The following TLCD3B variants were observed in gnomAD, a reference collection of about 807,000 sequenced individuals.
TLCD3B encodes ceramide synthase.
Under a neutral mutation model 23.0 loss-of-function variants are expected in TLCD3B, and 9 were observed. That is an observed-to-expected ratio of 0.39 (90% CI 0.24 to 0.68). The LOEUF (loss-of-function observed/expected upper bound fraction) is 0.68. Ranked by LOEUF, TLCD3B falls within the 30% of genes least tolerant of loss-of-function variation. TLCD3B has a pLI of 0.44. For synonymous variants in TLCD3B, 161 were observed against 161.0 expected (o/e 1.00, Z 0.00); for missense variants, 307 against 371.8 (o/e 0.83, Z 1.43).
chr16:30,026,946 A>G (rs2071170075), intron 2 of TLCD3B, 103 bp from the exon 3 acceptor site: 1 of 976,080 alleles, frequency 1.0e-6, no homozygotes, highest in African/African-American at 1.6e-5. Context: ...ACAGGAGCGG[A>G]GTCTTGGGTA....
At chr16:30,050,363 A>T (rs1054645084) in intron 1 of TLCD3B, among the ~76,000 whole-genome samples, 14 of 151,906 alleles carry the variant, frequency 9.2e-5, no homozygotes, top group African/African-American at 2.9e-4. Context: ...ATACAGTGAG[A>T]CCCCGTCTAT....
chr16:30,030,660 G>T lies in TLCD3B; in HGVS notation c.-133C>A. Reference sequence around the variant, plus strand: ...GAAAACGATGAGAAGGGGCACAAAGGGGCCAGGGCGGGGACGGGATGGGGC... The same window carrying T: ...GAAAACGATGAGAAGGGGCACAAAGTGGCCAGGGCGGGGACGGGATGGGGC... On this transcript the variant is annotated 5_prime_UTR_variant, in exon 1 of 5. Coordinates refer to ENST00000380495, the MANE Select transcript of TLCD3B (RefSeq NM_031478.6). 2 of 1,346,062 alleles carry T rather than the reference G, an allele frequency of 1.5e-6. No homozygotes were observed. Among genetic ancestry groups the T allele is most frequent in the African/African-American group, 1.5e-5 (1 of 65,022 alleles). 83.4% of individuals were successfully genotyped at this position (1,346,062 alleles called of 1,614,324 possible).
At chr16:30,026,900 G>A (rs2071167946) in intron 2 of TLCD3B, 57 bp from the exon 3 acceptor site, 4 of 1,468,816 alleles carry the variant, frequency 2.7e-6, no homozygotes, top group Middle Eastern at 3.5e-4. Flanking sequence ...ACCAGTGATT[G>A]GGGTCAGATC....
At chr16:30,039,101 CTCTTTTTTT>C (rs1342501588) in intron 3 of TLCD3B, among the ~76,000 whole-genome samples, 5 of 120,856 alleles carry the variant, frequency 4.1e-5, no homozygotes, top group East Asian at 2.6e-4. Context: ...CCTCCTTCCT[CTCTTTTTTT>C]TTTTTTTTTT....
chr16:30,042,435 G>C (rs1033292728), intron 2 of TLCD3B, among the ~76,000 whole-genome samples: 2 of 151,994 alleles, frequency 1.3e-5, no homozygotes, highest in Admixed American at 6.6e-5. Context: ...TGTTGGCCAG[G>C]CTGGTCTCAA....
rs557814294 is a variant in TLCD3B at position 30,030,125 on chromosome 16, C to T, written c.125+278G>A. Reference sequence around the variant, plus strand: ...TAATGTCTTATAGGAATGTCTTCGCCGCATGCTGGCCCTGTTTTGGAGGGT... The same window carrying T: ...TAATGTCTTATAGGAATGTCTTCGCTGCATGCTGGCCCTGTTTTGGAGGGT... On this transcript the variant is annotated intron_variant, in intron 1 of 4. Coordinates refer to ENST00000380495, the MANE Select transcript of TLCD3B (RefSeq NM_031478.6). 51 of 1,457,066 alleles carry T rather than the reference C, an allele frequency of 3.5e-5. 1 individual carries two copies. In the South Asian group the frequency reaches 4.7e-4, roughly 14 times the overall value. 90.3% of individuals were successfully genotyped at this position (1,457,066 alleles called of 1,614,324 possible). A position where few individuals can be genotyped will look rare whatever the true frequency, so the allele number is the denominator to read the frequency against.
upstream of TLCD3B, chr16:30,033,389 G>C (rs1327491931): frequency 1.3e-5 from 2 of 152,244 alleles, no homozygotes; most frequent in Non-Finnish European, 2.9e-5. Context: ...TACAAGGCTG[G>C]TCATGGAACT....
At chr16:30,042,054 C>T (rs2071586509) in intron 2 of TLCD3B, among the ~76,000 whole-genome samples, 1 of 151,930 alleles carries the variant, frequency 6.6e-6, no homozygotes, top group Non-Finnish European at 1.5e-5. Flanking sequence ...TTTTTCTAAT[C>T]GCTGCCTATC....
At chr16:30,044,146 G>A (rs1369887000) in intron 2 of TLCD3B, among the ~76,000 whole-genome samples, 4 of 150,848 alleles carry the variant, frequency 2.7e-5, no homozygotes, top group African/African-American at 4.9e-5. Context: ...ACAAGTGTGT[G>A]CCATCACACT....
chr16:30,036,344 A>C, intron 3 of TLCD3B: 1 of 1,288,840 alleles, frequency 7.8e-7, no homozygotes, highest in Non-Finnish European at 1.0e-6. Flanking sequence ...TAACAGGTGC[A>C]AGCCTGAAAC....
intron 2 of TLCD3B, 84 bp from the exon 3 acceptor site, chr16:30,026,927 C>T: frequency 1.7e-6 from 2 of 1,147,656 alleles, no homozygotes; most frequent in South Asian, 2.7e-5. Flanking sequence ...GTCAGCACAG[C>T]AGCCCTGGAC....
At chr16:30,028,384 G>A (rs1041846097) in intron 2 of TLCD3B, among the ~76,000 whole-genome samples, 3 of 152,138 alleles carry the variant, frequency 2.0e-5, no homozygotes, top group African/African-American at 7.2e-5. Flanking sequence ...AGGGGGGCCT[G>A]GGGAGCAGGG....
intron 3 of TLCD3B, among the ~76,000 whole-genome samples, chr16:30,039,348 C>G (rs1179855141): frequency 6.6e-6 from 1 of 152,038 alleles, no homozygotes; most frequent in Non-Finnish European, 1.5e-5. Flanking sequence ...GTCTCGAACT[C>G]CTGATCTCAG....
Position 30,029,882 on chromosome 16 carries a change from C to T in TLCD3B, c.126-367G>A, listed in dbSNP as rs530849729. On this transcript the variant is annotated intron_variant, in intron 1 of 4. Transcript: ENST00000380495. The surrounding 1 kb of genome is among the most constrained non-coding windows in gnomAD (Gnocchi z 4.6). Reference sequence around the variant, plus strand: ...GGGGAGCCTGGGCCGGTTCTTGCCCCGCTTAGCTGTCCAGTCATGACGCAG... The same window carrying T: ...GGGGAGCCTGGGCCGGTTCTTGCCCTGCTTAGCTGTCCAGTCATGACGCAG... Among the ~76,000 whole-genome samples, 2 of 152,300 alleles carry T rather than the reference C, an allele frequency of 1.3e-5. No individual in the cohort carries two copies. Among genetic ancestry groups the T allele is most frequent in the African/African-American group, 2.4e-5 (1 of 41,564 alleles).
chr16:30,027,061 C>T, intron 2 of TLCD3B: 2 of 667,446 alleles, frequency 3.0e-6, no homozygotes, highest in Non-Finnish European at 5.5e-6. Context: ...GGTCTCAGAA[C>T]TCACCCATGT....
rs1335696975 is a variant in TLCD3B at position 30,026,758 on chromosome 16, T to C, written c.295A>G (p.Lys99Glu). 1.9e-6 allele frequency: 3 copies of C among 1,614,138 alleles called. No homozygotes were observed. The highest frequency in any genetic ancestry group is 2.5e-6 in the Non-Finnish European group (3 of 1,180,020). ...CCTCCATGCCCTTTGACCTGGTGCT[T>C]GTGCCAGTGACAGAGGAACATGGCG... Reference protein sequence around the residue: ...IYAMFLCHWHKHQVKGHGGDD... With the variant: ...IYAMFLCHWHEHQVKGHGGDD... Residue 99 changes from lysine (K) to glutamate (E), a missense_variant, in exon 3 of 5, where the codon AAG becomes GAG. By Grantham distance (56) the Lys-to-Glu change is moderately conservative (BLOSUM62 1). Transcript: ENST00000380495.
chr16:30,039,773 G>C (rs1199741230), intron 3 of TLCD3B, among the ~76,000 whole-genome samples: 1 of 151,856 alleles, frequency 6.6e-6, no homozygotes, highest in Non-Finnish European at 1.5e-5. Context: ...CACCATGCTC[G>C]GCCAGTGTTT....
chr16:30,052,370 AAAAT>A (rs1431466063), intron 1 of TLCD3B, among the ~76,000 whole-genome samples: 3 of 151,980 alleles, frequency 2.0e-5, no homozygotes, highest in African/African-American at 4.8e-5. Flanking sequence ...CTGTCTCCAA[AAAAT>A]AAATAAATCA....
At position 30,043,524 on chromosome 16, in the gene TLCD3B, G is replaced by T. The variant is rs1434085250; in HGVS notation, c.-228-2368C>A. Among the ~76,000 whole-genome samples, 3 of 151,870 alleles carry T rather than the reference G, an allele frequency of 2.0e-5. No homozygotes were observed. In the East Asian group the frequency reaches 5.8e-4, roughly 30 times the overall value. ...ATTATAGGCACAAATCACGTGTCAG[G>T]TGAGACATACTCTCAGTCACTGTTC... On this transcript the variant is annotated intron_variant, in intron 2 of 6. Coordinates refer to the TLCD3B transcript ENST00000561666.
Sources: allele counts gnomAD v4.1 joint callset (sites outside exome capture counted in the v4.1 genomes callset), GRCh38; gene constraint gnomAD v4.1.1; non-coding constraint Gnocchi (gnomAD v3.1); transcripts MANE v1.5; gene names NCBI Gene and HGNC (gene_info 2026-07-23, HGNC 2026-07-21).